Variants in NELL1 observed in about 807,000 individuals in gnomAD.
NELL1 encodes neural EGFL like 1, also known as protein kinase C-binding protein NELL1.
NELL1 carries 76 observed loss-of-function variants against 107.4 expected under a neutral mutation model. That is an observed-to-expected ratio of 0.71 (90% CI 0.59 to 0.86). NELL1 has a LOEUF of 0.86. NELL1 is among the 40% of genes least tolerant of loss of function. The pLI is 0.00. For missense variants in NELL1, 1,024 were observed against 1,005.5 expected (o/e 1.02, Z -0.25); for synonymous variants, 353 against 341.2 (o/e 1.03, Z -0.38).
chr11:21,440,402 A>C (rs1853250854), intron 15 of NELL1, among the ~76,000 whole-genome samples: 1 of 151,858 alleles, frequency 6.6e-6, no homozygotes, highest in African/African-American at 2.4e-5. Context: ...TAGTTAATTA[A>C]AGTATTTATC....
In NELL1 at chr11:21,161,944, CTTTTTTTT is replaced by C. The variant is rs34422649; in HGVS notation, c.1426+48247_1426+48254del. Among the ~76,000 whole-genome samples, 403 of 83,078 alleles carry C rather than the reference CTTTTTTTT, an allele frequency of 4.9e-3. 4 individuals are homozygous for C. Among genetic ancestry groups the C allele is most frequent in the African/African-American group, 0.018 (375 of 20,802 alleles). The allele number at this position is 83,078 out of a possible 152,430, so 54.5% of individuals were successfully genotyped here. A position where few individuals can be genotyped will look rare whatever the true frequency, so the allele number is the denominator to read the frequency against. ...CCAATCTTTTCTCTGGGAACATAATCTTTTTTTTTTTTTTTTTTTTTTTTGAGACAGAG... is the reference window on the plus strand; with the variant it reads ...CCAATCTTTTCTCTGGGAACATAATCTTTTTTTTTTTTTTTTGAGACAGAG... On this transcript the variant is annotated intron_variant, in intron 13 of 19. Coordinates refer to ENST00000357134, the MANE Select transcript of NELL1 (RefSeq NM_006157.5).
intron 15 of NELL1, among the ~76,000 whole-genome samples, chr11:21,393,882 G>A (rs1039982523): frequency 4.0e-5 from 6 of 151,618 alleles, no homozygotes; most frequent in African/African-American, 1.5e-4. Flanking sequence ...ATCCTTTTCT[G>A]GTAGTACCTT....
intron 3 of NELL1, among the ~76,000 whole-genome samples, chr11:20,837,002 A>G (rs987432846): frequency 6.6e-6 from 1 of 152,200 alleles, no homozygotes; most frequent in Non-Finnish European, 1.5e-5. Flanking sequence ...GGAATTCAGA[A>G]TGTAACAGAA....
intron 2 of NELL1, among the ~76,000 whole-genome samples, chr11:20,725,770 A>C (rs530453727): frequency 5.3e-5 from 8 of 152,266 alleles, no homozygotes; most frequent in African/African-American, 1.9e-4. Context: ...CATTTATTTT[A>C]GATTCAGGGG....
chr11:20,803,113 T>G (rs1857312176), intron 3 of NELL1, among the ~76,000 whole-genome samples: 1 of 152,186 alleles, frequency 6.6e-6, no homozygotes, highest in Non-Finnish European at 1.5e-5. Flanking sequence ...CCTCCTCTAT[T>G]TTTCAGGATA....
chr11:20,694,517 T>C (rs577121778), intron 2 of NELL1, among the ~76,000 whole-genome samples: 4 of 152,236 alleles, frequency 2.6e-5, no homozygotes, highest in South Asian at 2.1e-4. Context: ...ATTTATTGAA[T>C]AGGGGGTCCT....
At chr11:20,837,738 T>C (rs1039403644) in intron 3 of NELL1, among the ~76,000 whole-genome samples, 3 of 151,790 alleles carry the variant, frequency 2.0e-5, no homozygotes, top group Admixed American at 6.6e-5. Context: ...CTGGAACAAT[T>C]TGAGCAAAAA....
chr11:21,054,783 T>A (rs1320539775), intron 12 of NELL1, among the ~76,000 whole-genome samples: 1 of 152,112 alleles, frequency 6.6e-6, no homozygotes, highest in African/African-American at 2.4e-5. Context: ...TGTATATTCA[T>A]CTTAGTCTTT....
At chr11:20,904,289 A>C (rs1001716747) in intron 5 of NELL1, among the ~76,000 whole-genome samples, 1 of 152,084 alleles carries the variant, frequency 6.6e-6, no homozygotes, top group African/African-American at 2.4e-5. Flanking sequence ...GAAGATTTGG[A>C]ATGTTCCCAA....
At chr11:21,080,762 C>G (rs1199050035) in intron 12 of NELL1, among the ~76,000 whole-genome samples, 1 of 152,070 alleles carries the variant, frequency 6.6e-6, no homozygotes, top group Admixed American at 6.6e-5. Flanking sequence ...ATATTTCCAA[C>G]TTGCCTTCCA....
rs1461176026 is a variant in NELL1 at position 20,915,385 on chromosome 11, C to T, written c.604-2797C>T. 4.6e-5 allele frequency among the ~76,000 whole-genome samples: 7 copies of T among 151,758 alleles called. No individual in the cohort carries two copies. The Admixed American group carries it at 4.6e-4, about 10-fold the overall frequency. On this transcript the variant is annotated intron_variant, in intron 5 of 19. Coordinates refer to ENST00000357134, the MANE Select transcript of NELL1 (RefSeq NM_006157.5). ...TATTCCTGGGCCCACTCCAATCCTA[C>T]TGAAACAGGATCCTTTGGGTTGACA...
intron 7 of NELL1, among the ~76,000 whole-genome samples, chr11:20,924,990 T>A (rs1850461573): frequency 6.6e-6 from 1 of 152,226 alleles, no homozygotes. Flanking sequence ...TCCATGTGAA[T>A]GAATTGATGT....
intron 13 of NELL1, among the ~76,000 whole-genome samples, chr11:21,166,828 C>T (rs1158340189): frequency 6.6e-6 from 1 of 151,874 alleles, no homozygotes; most frequent in Non-Finnish European, 1.5e-5. Context: ...TGACCACTCA[C>T]TAAATGTAAA....
chr11:21,188,817 T>G (rs7115088), intron 13 of NELL1, among the ~76,000 whole-genome samples: 22,539 of 151,554 alleles, frequency 0.15, 2,256 homozygotes, highest in East Asian at 0.48. Flanking sequence ...TGTGACACTA[T>G]AAGCATTTTC....
chr11:21,045,247 G>A lies in NELL1; in HGVS notation c.1301-68342G>A, dbSNP rs182059358. On this transcript the variant is annotated intron_variant, in intron 12 of 19. Coordinates refer to ENST00000357134, the MANE Select transcript of NELL1 (RefSeq NM_006157.5). ...TATTTTGAATCGTAAAAGGTTTTAG[G>A]TGAGATGGTTGGAGCTAGCACAGTT... is the stretch of plus-strand genomic sequence containing the variant. 3.2e-4 allele frequency among the ~76,000 whole-genome samples: 49 copies of A among 152,208 alleles called. 1 individual carries two copies. The East Asian group carries it at 8.9e-3, about 28-fold the overall frequency.
intron 16 of NELL1, among the ~76,000 whole-genome samples, chr11:21,545,061 T>C (rs1856403114): frequency 6.6e-6 from 1 of 152,012 alleles, no homozygotes; most frequent in African/African-American, 2.4e-5. Flanking sequence ...AAAACAACTG[T>C]TGATTATTGA....
In NELL1 at chr11:21,556,185, T is replaced by G. The variant is rs1591033256; in HGVS notation, c.1787-4004T>G. ...ATTAATGAACCCCCAAGCTCTGTTC[T>G]CATTTCTGAGCCACTCATAATGATT... On this transcript the variant is annotated intron_variant, in intron 16 of 19. Coordinates refer to ENST00000357134, the MANE Select transcript of NELL1 (RefSeq NM_006157.5). Among the ~76,000 whole-genome samples the G allele has an allele frequency of 2.6e-5, 4 of 152,084 alleles. No individual in the cohort carries two copies. In the South Asian group the frequency reaches 8.3e-4, roughly 32 times the overall value.
intron 3 of NELL1, among the ~76,000 whole-genome samples, chr11:20,826,707 C>G: frequency 6.6e-6 from 1 of 151,040 alleles, no homozygotes; most frequent in East Asian, 1.9e-4. Flanking sequence ...TAGAAGCTGG[C>G]CTTCCCTGAA....
rs182323377 is a variant in NELL1, at chr11:21,044,861, G to A, written c.1301-68728G>A. On this transcript the variant is annotated intron_variant, in intron 12 of 19. Transcript: ENST00000357134. The stretch of plus-strand genomic sequence containing the variant: ...GGCCTCTGAAGGTAAGAGAAGGTTT[G>A]ACTAGTCTCAGAGATGGGGAAGAGG... Among the ~76,000 whole-genome samples, 4 of 152,244 alleles carry A rather than the reference G, an allele frequency of 2.6e-5. No individual in the cohort carries two copies. In the East Asian group the frequency reaches 7.7e-4, roughly 29 times the overall value.
Sources: gnomAD v4.1 joint callset for allele counts (sites outside exome capture counted in the v4.1 genomes callset) on GRCh38, gnomAD v4.1.1 for gene constraint, MANE v1.5 for transcripts, NCBI Gene and HGNC (gene_info 2026-07-23, HGNC 2026-07-21) for gene names.